The following PPM1E variants were observed in gnomAD, a reference collection of about 807,000 sequenced individuals.
PPM1E encodes protein phosphatase 1E.
PPM1E carries 20 observed loss-of-function variants against 65.9 expected under a neutral mutation model. The ratio of observed to expected loss-of-function variants is 0.30; its 90% CI spans 0.21 to 0.44. The LOEUF (loss-of-function observed/expected upper bound fraction) is 0.44, where lower values mean the gene tolerates loss of function less well. PPM1E is among the 20% of genes least tolerant of loss of function. The probability of loss-of-function intolerance (pLI) is 1.00; values close to 1 mark genes in which losing one functional copy is unlikely to be tolerated. For missense variants in PPM1E, 713 were observed against 953.1 expected, an observed-to-expected ratio of 0.75 and a Z score of 3.32; for synonymous variants, 352 against 374.9, an observed-to-expected ratio of 0.94 and a Z score of 0.70.
intron 1 of PPM1E, among the ~76,000 whole-genome samples, chr17:58,916,255 A>G (rs1360009300): frequency 6.6e-6 from 1 of 152,242 alleles, no homozygotes; most frequent in Non-Finnish European, 1.5e-5. Flanking sequence ...AGTTTAAAAG[A>G]CAGCGTGTAC....
At chr17:58,816,205 T>C (rs938813517) in intron 1 of PPM1E, among the ~76,000 whole-genome samples, 1 of 151,946 alleles carries the variant, frequency 6.6e-6, no homozygotes, top group Non-Finnish European at 1.5e-5. Flanking sequence ...TTTGTATTTT[T>C]AGTAGAGTTG....
intron 1 of PPM1E, among the ~76,000 whole-genome samples, chr17:58,930,519 A>G (rs2051880743): frequency 6.6e-6 from 1 of 152,176 alleles, no homozygotes; most frequent in Non-Finnish European, 1.5e-5. Flanking sequence ...AAGTTGTAAT[A>G]AAATACATTG....
In PPM1E at chr17:58,958,620, A is replaced by G. The variant is rs76079304; in HGVS notation, c.583+2853A>G. 1.4e-3 allele frequency among the ~76,000 whole-genome samples: 211 copies of G among 150,248 alleles called. 1 individual carries two copies. Among genetic ancestry groups the G allele is most frequent in the Middle Eastern group, 3.5e-3 (1 of 288 alleles). ...ATTTGAAAACCTGGATGTCTTCTAG[A>G]AAAAAAAAATAAATTAACAAAGTTT... On this transcript the variant is annotated intron_variant, in intron 2 of 6. Transcript: ENST00000308249.
At chr17:58,771,594 GCC>G (rs2049939317) in intron 1 of PPM1E, among the ~76,000 whole-genome samples, 2 of 150,990 alleles carry the variant, frequency 1.3e-5, no homozygotes, top group Non-Finnish European at 2.9e-5. Context: ...CTGCACTCCA[GCC>G]TGGCAACAGA....
intron 1 of PPM1E, among the ~76,000 whole-genome samples, chr17:58,880,341 A>T (rs1019572642): frequency 6.6e-6 from 1 of 152,194 alleles, no homozygotes; most frequent in Admixed American, 6.6e-5. Context: ...TCAGAGTGGT[A>T]TATTTTTAAC....
At chr17:58,922,167 G>C (rs1328943028) in intron 1 of PPM1E, among the ~76,000 whole-genome samples, 1 of 151,174 alleles carries the variant, frequency 6.6e-6, no homozygotes, top group Non-Finnish European at 1.5e-5. Flanking sequence ...GAGGGAGGGA[G>C]AAGAGTTGAT....
chr17:58,972,315 ATTAGT>A, intron 5 of PPM1E, 40 bp downstream of exon 5: 2 of 1,559,290 alleles, frequency 1.3e-6, no homozygotes, highest in Non-Finnish European at 1.7e-6. Flanking sequence ...TGCTCTAGTT[ATTAGT>A]TTAGATTTTC....
intron 1 of PPM1E, among the ~76,000 whole-genome samples, chr17:58,880,952 A>G (rs1371423880): frequency 6.6e-6 from 1 of 152,126 alleles, no homozygotes; most frequent in Non-Finnish European, 1.5e-5. Context: ...AACATGCAAT[A>G]TTCATTTCCT....
In PPM1E at chr17:58,945,963, T is replaced by A. The variant is rs557112796; in HGVS notation, c.465-9686T>A. Among the ~76,000 whole-genome samples, 673 of 152,266 alleles carry A rather than the reference T, an allele frequency of 4.4e-3. 3 individuals are homozygous for A. Among genetic ancestry groups the A allele is most frequent in the African/African-American group, 0.015 (625 of 41,564 alleles). The stretch of plus-strand genomic sequence containing the variant: ...GGATTTGCATGGAGGCTTCATCACG[T>A]AGGCATGTTCAAATAATTATTAAGT... On this transcript the variant is annotated intron_variant, in intron 1 of 6. Transcript: ENST00000308249.
rs376803771 is a variant in PPM1E, at chr17:58,972,293, T to C, written c.1116+18T>C. The C allele has an allele frequency of 7.7e-5, 124 of 1,606,430 alleles. No homozygotes were observed. Among genetic ancestry groups the C allele is most frequent in the Non-Finnish European group, 9.3e-5 (109 of 1,175,416 alleles). ...ACAGAGAGGTAAGTATGGTCTGTTTTAATAGAGCCCATGCTCTAGTTATTA... is the reference window on the plus strand; with the variant it reads ...ACAGAGAGGTAAGTATGGTCTGTTTCAATAGAGCCCATGCTCTAGTTATTA... On this transcript the variant is annotated intron_variant, in intron 5 of 6. Transcript: ENST00000308249.
rs148506652 is a variant in PPM1E, at chr17:58,846,433, A to G, written c.464+89972A>G. Among the ~76,000 whole-genome samples, 1,083 of 152,090 alleles carry G rather than the reference A, an allele frequency of 7.1e-3. 6 individuals are homozygous for G. Among genetic ancestry groups the G allele is most frequent in the Non-Finnish European group, 0.013 (870 of 67,978 alleles). ...TATCCCTCCCCGTTTCCCCCATCCT[A>G]TGACAGACTCTGGTGTATGATGGTC... On this transcript the variant is annotated intron_variant, in intron 1 of 6. Coordinates refer to ENST00000308249, the MANE Select transcript of PPM1E (RefSeq NM_014906.5).
At chr17:58,766,447 G>A (rs1311673919) in intron 1 of PPM1E, among the ~76,000 whole-genome samples, 1 of 147,048 alleles carries the variant, frequency 6.8e-6, no homozygotes, top group South Asian at 2.2e-4. Flanking sequence ...TGTTCTGTCC[G>A]CCTCAGCCTC....
rs2030729647 is a variant in PPM1E at position 58,972,902 on chromosome 17, G to C, written c.1187G>C (p.Ser396Thr). 1 of 1,612,978 alleles carries C rather than the reference G, an allele frequency of 6.2e-7. No homozygotes were observed. The highest frequency in any genetic ancestry group is 1.3e-5 in the African/African-American group (1 of 74,900). Residue 396 changes from serine to threonine, a missense_variant, in exon 6 of 7, where the codon AGT becomes ACT. Physicochemically the swap from Ser to Thr is moderately conservative, Grantham distance 58. This residue lies in a region of PPM1E where 88 missense variants were observed against 231.1 expected (regional missense o/e 0.38). Transcript: ENST00000308249. ...VWFGAWRVNG[S>T]LSVSRAIGDA... The stretch of plus-strand genomic sequence containing the variant: ...TTTGGTGCCTGGAGGGTGAATGGAA[G>C]TCTGTCGGTTTCCAGAGCTATTGGT...
chr17:58,963,238 T>G (rs1470689554), intron 2 of PPM1E, among the ~76,000 whole-genome samples: 2 of 146,192 alleles, frequency 1.4e-5, no homozygotes, highest in African/African-American at 5.1e-5. Context: ...TACAACAAAA[T>G]TAGCTGAGTG....
At chr17:58,786,053 C>T (rs1276378737) in intron 1 of PPM1E, among the ~76,000 whole-genome samples, 2 of 144,710 alleles carry the variant, frequency 1.4e-5, no homozygotes, top group Admixed American at 1.4e-4. Context: ...CTCACTCTGT[C>T]GCCCAGGCTG....
intron 1 of PPM1E, among the ~76,000 whole-genome samples, chr17:58,850,034 T>C (rs2050809513): frequency 6.6e-6 from 1 of 152,344 alleles, no homozygotes. Context: ...CATTATGTAA[T>C]GGCCTTCTTT....
chr17:58,852,028 A>G (rs1410159238), intron 1 of PPM1E, among the ~76,000 whole-genome samples: 6 of 152,064 alleles, frequency 3.9e-5, no homozygotes, highest in Admixed American at 1.3e-4. Context: ...TCGATCTCAG[A>G]CTGCTGTGCC....
intron 1 of PPM1E, among the ~76,000 whole-genome samples, chr17:58,831,203 G>A (rs1406233396): frequency 6.6e-6 from 1 of 151,580 alleles, no homozygotes; most frequent in Non-Finnish European, 1.5e-5. Flanking sequence ...GTAGAGATGG[G>A]GTTTCACTGT....
chr17:58,859,835 G>A lies in PPM1E; in HGVS notation c.465-95814G>A, dbSNP rs115676062. Among the ~76,000 whole-genome samples, 1,237 of 152,330 alleles carry A rather than the reference G, an allele frequency of 8.1e-3. 14 individuals are homozygous for A. Among genetic ancestry groups the A allele is most frequent in the Middle Eastern group, 0.024 (7 of 294 alleles). ...TGCCTGGCCAATTGTTCAGAGAGGT[G>A]TTGGATCTCAAAGGTTGGTTATTTG... On this transcript the variant is annotated intron_variant, in intron 1 of 6. Transcript: ENST00000308249.
Sources: allele counts gnomAD v4.1 joint callset (sites outside exome capture counted in the v4.1 genomes callset), GRCh38; gene constraint gnomAD v4.1.1; regional missense constraint gnomAD v4.1.1; transcripts MANE v1.5; gene names NCBI Gene and HGNC (gene_info 2026-07-23, HGNC 2026-07-21).